CHRM3: variants seen among roughly 807,000 people sequenced by gnomAD.
The protein encoded by CHRM3 is muscarinic acetylcholine receptor M3.
In CHRM3, 11 loss-of-function variants were observed where a neutral mutation model predicts 41.8. That is an observed-to-expected ratio of 0.26 (90% CI 0.17 to 0.44). CHRM3 has a LOEUF of 0.44. CHRM3 is among the 20% of genes least tolerant of loss of function. The probability of loss-of-function intolerance (pLI) is 1.00; values close to 1 mark genes in which losing one functional copy is unlikely to be tolerated. For missense variants in CHRM3, 571 were observed against 745.4 expected, an observed-to-expected ratio of 0.77 and a Z score of 2.72; for synonymous variants, 297 against 301.4, an observed-to-expected ratio of 0.99 and a Z score of 0.15.
intron 6 of CHRM3, among the ~76,000 whole-genome samples, chr1:239,885,922 C>T (rs1678031474): frequency 6.6e-6 from 1 of 152,156 alleles, no homozygotes; most frequent in Admixed American, 6.6e-5. Context: ...TCTCTGATGC[C>T]TCACTGGCTT....
At chr1:239,531,096 ATTG>A (rs1367204558) in intron 2 of CHRM3, among the ~76,000 whole-genome samples, 1 of 152,182 alleles carries the variant, frequency 6.6e-6, no homozygotes, top group Non-Finnish European at 1.5e-5. Context: ...TTTATTAGAG[ATTG>A]TTATTAGGAT....
At chr1:239,833,051 T>A (rs1006064692) in intron 6 of CHRM3, among the ~76,000 whole-genome samples, 3 of 152,106 alleles carry the variant, frequency 2.0e-5, no homozygotes, top group African/African-American at 7.2e-5. Flanking sequence ...CAAAACCATC[T>A]CTGGACCCAT....
intron 1 of CHRM3, among the ~76,000 whole-genome samples, chr1:239,488,083 G>C (rs1375611022): frequency 6.6e-6 from 1 of 152,104 alleles, no homozygotes; most frequent in Non-Finnish European, 1.5e-5. Flanking sequence ...AGTATACTAA[G>C]GGTGTTGGTA....
intron 5 of CHRM3, among the ~76,000 whole-genome samples, chr1:239,804,797 T>A (rs185168105): frequency 1.3e-5 from 2 of 152,350 alleles, no homozygotes; most frequent in Admixed American, 1.3e-4. Context: ...GCCTCTCGCA[T>A]TGACTGTTTT....
chr1:239,702,058 G>A (rs957626622), intron 5 of CHRM3, among the ~76,000 whole-genome samples: 1 of 152,156 alleles, frequency 6.6e-6, no homozygotes, highest in African/African-American at 2.4e-5. Flanking sequence ...CTGCAGGGAA[G>A]TTTCCTCGAG....
At chr1:239,388,564 A>G (rs1363849132) in intron 1 of CHRM3, among the ~76,000 whole-genome samples, 1 of 152,242 alleles carries the variant, frequency 6.6e-6, no homozygotes, top group Admixed American at 6.5e-5. Context: ...TTTACTTAAG[A>G]GAGACTATGA....
chr1:239,815,332 G>A (rs1009373222), intron 5 of CHRM3, among the ~76,000 whole-genome samples: 7 of 152,078 alleles, frequency 4.6e-5, no homozygotes, highest in Admixed American at 1.3e-4. Flanking sequence ...ACTTTAATCC[G>A]GGCATTTAAA....
rs549997668 is a variant in CHRM3, at chr1:239,435,992, C to T, written c.-521+48765C>T. Among the ~76,000 whole-genome samples, 18 of 152,182 alleles carry T rather than the reference C, an allele frequency of 1.2e-4. No homozygotes were observed. The South Asian group carries it at 2.1e-3, about 18-fold the overall frequency. ...ACCATTAAAGTGGGGAAGTGGAAAG[C>T]TGACAAAGTGGATATATAGGGTATT... On this transcript the variant is annotated intron_variant, in intron 1 of 6. Coordinates refer to ENST00000676153, the MANE Select transcript of CHRM3 (RefSeq NM_001375978.1).
chr1:239,649,768 G>C (rs1672073485), intron 4 of CHRM3, among the ~76,000 whole-genome samples: 1 of 152,168 alleles, frequency 6.6e-6, no homozygotes, highest in South Asian at 2.1e-4. Flanking sequence ...TCCCTGGGTA[G>C]GTGCAGGGAC....
In CHRM3 at chr1:239,894,892, G is replaced by A. The variant is rs143439240; in HGVS notation, c.-19-12541G>A. Among the ~76,000 whole-genome samples, 14 of 152,198 alleles carry A rather than the reference G, an allele frequency of 9.2e-5. No individual in the cohort carries two copies. In the East Asian group the frequency reaches 2.3e-3, roughly 25 times the overall value. On this transcript the variant is annotated intron_variant, in intron 6 of 6. Transcript: ENST00000676153. ...TGTAATAACTAACCTGAAGTCTCACGGCTCATAAGTGAGGAGCCAGGACAC... is the reference window on the plus strand; with the variant it reads ...TGTAATAACTAACCTGAAGTCTCACAGCTCATAAGTGAGGAGCCAGGACAC...
chr1:239,520,677 A>G (rs1332882045), intron 2 of CHRM3, among the ~76,000 whole-genome samples: 2 of 152,172 alleles, frequency 1.3e-5, no homozygotes, highest in Non-Finnish European at 2.9e-5. Context: ...CCCAATACAA[A>G]CAGGTATAGC....
chr1:239,504,380 G>A (rs1668430071), intron 2 of CHRM3, among the ~76,000 whole-genome samples: 1 of 152,140 alleles, frequency 6.6e-6, no homozygotes, highest in African/African-American at 2.4e-5. Flanking sequence ...CCTTACTCCT[G>A]CAAGAATGGC....
intron 3 of CHRM3, among the ~76,000 whole-genome samples, chr1:239,574,468 G>A (rs902023140): frequency 1.3e-5 from 2 of 152,062 alleles, no homozygotes; most frequent in Non-Finnish European, 2.9e-5. Flanking sequence ...GCACTGGCCA[G>A]CTCCCTTACT....
intron 5 of CHRM3, among the ~76,000 whole-genome samples, chr1:239,678,675 G>A (rs1036338631): frequency 2.0e-5 from 3 of 152,016 alleles, no homozygotes; most frequent in East Asian, 1.9e-4. Flanking sequence ...GAAAAACATC[G>A]ACTTCTTTCC....
At chr1:239,690,192 G>A (rs1659577217) in intron 5 of CHRM3, among the ~76,000 whole-genome samples, 1 of 152,068 alleles carries the variant, frequency 6.6e-6, no homozygotes, top group African/African-American at 2.4e-5. Context: ...ATGAGAGCAA[G>A]TTTTTGGAGA....
chr1:239,643,309 G>A (rs994113081), intron 4 of CHRM3, among the ~76,000 whole-genome samples: 15 of 152,188 alleles, frequency 9.9e-5, no homozygotes, highest in Admixed American at 9.8e-4. Flanking sequence ...TGTCAGACAG[G>A]GACATTTAAG....
Position 239,436,057 on chromosome 1 carries a change from G to A in CHRM3, c.-521+48830G>A, listed in dbSNP as rs957673394. Among the ~76,000 whole-genome samples, 4 of 152,134 alleles carry A rather than the reference G, an allele frequency of 2.6e-5. No homozygotes were observed. The East Asian group carries it at 7.7e-4, about 29-fold the overall frequency. On this transcript the variant is annotated intron_variant, in intron 1 of 6. Coordinates refer to ENST00000676153, the MANE Select transcript of CHRM3 (RefSeq NM_001375978.1). ...GTGGAAGACAATGTGAATAATGATC[G>A]TGTGAGACAAGTATCTTTAAAATGA...
chr1:239,481,370 T>TA (rs1558255193), intron 1 of CHRM3, among the ~76,000 whole-genome samples: 1 of 152,230 alleles, frequency 6.6e-6, no homozygotes, highest in Non-Finnish European at 1.5e-5. Context: ...TTATTTTTTT[T>TA]ACTTCACTTT....
At chr1:239,570,414 C>T (rs118116798) in intron 3 of CHRM3, among the ~76,000 whole-genome samples, 244 of 152,222 alleles carry the variant, frequency 1.6e-3, no homozygotes, top group East Asian at 7.2e-3. Flanking sequence ...TGATAACCAA[C>T]GAATACAGTG....
Sources: gnomAD v4.1 joint callset for allele counts (sites outside exome capture counted in the v4.1 genomes callset) on GRCh38, gnomAD v4.1.1 for gene constraint, MANE v1.5 for transcripts, NCBI Gene and HGNC (gene_info 2026-07-23, HGNC 2026-07-21) for gene names.